The following RBBP8 variants were observed in gnomAD, a reference collection of about 807,000 sequenced individuals.
RBBP8 encodes the protein RB binding protein 8, endonuclease.
In RBBP8, 88 loss-of-function variants were observed where a neutral mutation model predicts 108.3. That is an observed-to-expected ratio of 0.81 (90% CI 0.68 to 0.97). RBBP8 has a LOEUF of 0.97. Among genes scored for constraint, RBBP8 ranks in the 50% least tolerant of loss-of-function variants. The pLI is 0.00. For synonymous variants in RBBP8, 332 were observed against 348.2 expected (o/e 0.95, Z 0.52); for missense variants, 1,023 against 1,049.0 (o/e 0.98, Z 0.34).
chr18:22,923,045 T>C (rs1413226330), intron 3 of RBBP8, among the ~76,000 whole-genome samples: 1 of 152,196 alleles, frequency 6.6e-6, no homozygotes, highest in Non-Finnish European at 1.5e-5. Flanking sequence ...ACTATAACTA[T>C]ACAACTTTAG....
chr18:22,943,816 A>G (rs1436262712), intron 2 of RBBP8, among the ~76,000 whole-genome samples: 1 of 152,164 alleles, frequency 6.6e-6, no homozygotes, highest in African/African-American at 2.4e-5. Context: ...TAAAATAAGA[A>G]CATAGCAGTG....
In RBBP8 at chr18:22,924,957, C is replaced by T. The variant is rs371102803; in HGVS notation, c.-153-4426C>T. On this transcript the variant is annotated intron_variant, in intron 3 of 4. Transcript: ENST00000577588. ...TGTCACCCAGAGTGTGAGCAAGGCT[C>T]ACTGCAGCTTCGACCTCCTGGGCTC... 3.3e-5 allele frequency among the ~76,000 whole-genome samples: 5 copies of T among 151,602 alleles called. No homozygotes were observed. The South Asian group carries it at 8.3e-4, about 25-fold the overall frequency.
At chr18:22,964,085 A>G (rs1289990001) in intron 4 of RBBP8, among the ~76,000 whole-genome samples, 1 of 152,100 alleles carries the variant, frequency 6.6e-6, no homozygotes, top group Non-Finnish European at 1.5e-5. Flanking sequence ...GAAATCCCAC[A>G]CTATTCTGAG....
chr18:22,938,106 T>C (rs1163451223), intron 2 of RBBP8, among the ~76,000 whole-genome samples: 2 of 151,836 alleles, frequency 1.3e-5, no homozygotes, highest in South Asian at 4.2e-4. Context: ...GGATTACAGG[T>C]GTCCGCTGCT....
chr18:23,002,682 A>G (rs1281113708), intron 15 of RBBP8, among the ~76,000 whole-genome samples: 1 of 152,142 alleles, frequency 6.6e-6, no homozygotes, highest in Non-Finnish European at 1.5e-5. Context: ...CCGAATTTTT[A>G]ATCTAGTGCA....
At chr18:22,933,928 T>G (rs1210087285) in intron 1 of RBBP8, 1 of 152,424 alleles carries the variant, frequency 6.6e-6, no homozygotes, top group African/African-American at 2.4e-5. Context: ...AGAAGGGACC[T>G]GGCTGGAAAG....
At chr18:22,943,453 ATTAT>A (rs1454590623) in intron 2 of RBBP8, among the ~76,000 whole-genome samples, 126 of 151,906 alleles carry the variant, frequency 8.3e-4, no homozygotes, top group African/African-American at 3.0e-3. Flanking sequence ...TAATAATATT[ATTAT>A]TATTATCAGT....
chr18:23,016,066 C>T (rs2046250250), intron 16 of RBBP8, among the ~76,000 whole-genome samples: 2 of 152,060 alleles, frequency 1.3e-5, no homozygotes, highest in South Asian at 4.2e-4. Context: ...TGTGCCACCA[C>T]ACCCAACTAA....
At chr18:22,960,747 T>G (rs1291614512) in intron 4 of RBBP8, among the ~76,000 whole-genome samples, 2 of 152,160 alleles carry the variant, frequency 1.3e-5, no homozygotes, top group Non-Finnish European at 2.9e-5. Flanking sequence ...CTATAAAAAT[T>G]TTTTATAATG....
intron 2 of RBBP8, among the ~76,000 whole-genome samples, chr18:22,916,482 T>C (rs1467968096): frequency 6.6e-6 from 1 of 152,048 alleles, no homozygotes; most frequent in Non-Finnish European, 1.5e-5. Context: ...CCAAGACCAG[T>C]AATTTTTTCA....
intron 18 of RBBP8, 65 bp downstream of exon 18, chr18:23,022,335 T>A: frequency 1.3e-6 from 2 of 1,483,960 alleles, no homozygotes; most frequent in Non-Finnish European, 9.3e-7. Context: ...GCACAGTGGC[T>A]CACGCCTATA....
chr18:22,934,966 T>A (rs1183012789), intron 1 of RBBP8, among the ~76,000 whole-genome samples: 2 of 148,244 alleles, frequency 1.3e-5, no homozygotes, highest in Non-Finnish European at 3.0e-5. Flanking sequence ...TAATTATATA[T>A]TAAATAATAT....
chr18:22,952,556 T>C (rs1046633200), intron 4 of RBBP8, among the ~76,000 whole-genome samples: 5 of 152,282 alleles, frequency 3.3e-5, no homozygotes, highest in South Asian at 2.1e-4. Context: ...ATAAGACATA[T>C]ACTATCTCCT....
intron 4 of RBBP8, among the ~76,000 whole-genome samples, chr18:22,956,883 C>T (rs1912605635): frequency 6.6e-6 from 1 of 152,050 alleles, no homozygotes; most frequent in South Asian, 2.1e-4. Flanking sequence ...GACTTTCCTT[C>T]CAGGAACTAA....
intron 2 of RBBP8, among the ~76,000 whole-genome samples, chr18:22,916,122 C>A (rs188980728): frequency 6.6e-6 from 1 of 152,050 alleles, no homozygotes; most frequent in Admixed American, 6.6e-5. Context: ...CATACTTCAG[C>A]GCCTAGTCAA....
intron 3 of RBBP8, among the ~76,000 whole-genome samples, chr18:22,919,309 T>C (rs1036255247): frequency 6.6e-6 from 1 of 152,122 alleles, no homozygotes; most frequent in Non-Finnish European, 1.5e-5. Context: ...TGGTTTAGAG[T>C]TAACATTAGA....
chr18:22,935,538 C>T lies in RBBP8; in HGVS notation c.-98-1216C>T, dbSNP rs1221371885. On this transcript the variant is annotated intron_variant, in intron 1 of 18. Coordinates refer to ENST00000327155, the MANE Select transcript of RBBP8 (RefSeq NM_002894.3). ...AGCTTGATAGTTTATTTTTGTAGCT[C>T]TTGACGGTTCACCAAGTGGCTTCAC... 3.3e-5 allele frequency among the ~76,000 whole-genome samples: 5 copies of T among 152,190 alleles called. No individual in the cohort carries two copies. The East Asian group carries it at 9.6e-4, about 29-fold the overall frequency.
chr18:22,986,417 GATCGGTCTC>G (rs1307245580), intron 8 of RBBP8, among the ~76,000 whole-genome samples: 1 of 152,188 alleles, frequency 6.6e-6, no homozygotes, highest in Non-Finnish European at 1.5e-5. Flanking sequence ...GACCATCTGA[GATCGGTCTC>G]ATGTTCAAAG....
chr18:22,954,709 C>G (rs1021114210), intron 4 of RBBP8, among the ~76,000 whole-genome samples: 3 of 152,180 alleles, frequency 2.0e-5, no homozygotes, highest in African/African-American at 4.8e-5. Context: ...TGTGGAGGCT[C>G]CAACCCAACA....
Sources: allele counts gnomAD v4.1 joint callset (sites outside exome capture counted in the v4.1 genomes callset), GRCh38; gene constraint gnomAD v4.1.1; transcripts MANE v1.5; gene names NCBI Gene and HGNC (gene_info 2026-07-23, HGNC 2026-07-21).